The following BCKDHB variants were observed in gnomAD, a reference collection of about 807,000 sequenced individuals.
BCKDHB encodes the protein 2-oxoisovalerate dehydrogenase subunit beta, mitochondrial.
BCKDHB carries 41 observed loss-of-function variants against 48.5 expected under a neutral mutation model. That is an observed-to-expected ratio of 0.85 (90% CI 0.66 to 1.10). The LOEUF (loss-of-function observed/expected upper bound fraction) is 1.10. BCKDHB is among the 50% of genes least tolerant of loss of function. The pLI, the probability that BCKDHB is intolerant of heterozygous loss-of-function variation, is 0.00. For synonymous variants in BCKDHB, 201 were observed against 174.8 expected (o/e 1.15, Z -1.18); for missense variants, 496 against 494.2 (o/e 1.00, Z -0.03).
the BCKDHB span, among the ~76,000 whole-genome samples, chr6:80,447,314 C>CT: frequency 6.6e-6 from 1 of 151,792 alleles, no homozygotes; most frequent in African/African-American, 2.4e-5. Context: ...TTTTTGCTAC[C>CT]TTTTTTTGTA....
At chr6:80,252,821 A>G (rs1026169083) in intron 8 of BCKDHB, among the ~76,000 whole-genome samples, 1 of 152,222 alleles carries the variant, frequency 6.6e-6, no homozygotes, top group African/African-American at 2.4e-5. Context: ...TTGGACTGTT[A>G]CAACCTACTC....
chr6:80,390,458 A>G, the BCKDHB span, among the ~76,000 whole-genome samples: 2 of 152,258 alleles, frequency 1.3e-5, no homozygotes, highest in Non-Finnish European at 2.9e-5. Context: ...AGTTGTCATG[A>G]GTATTTCCTC....
At chr6:80,340,626 A>C (rs1183367385) in intron 9 of BCKDHB, among the ~76,000 whole-genome samples, 1 of 152,242 alleles carries the variant, frequency 6.6e-6, no homozygotes, top group African/African-American at 2.4e-5. Flanking sequence ...TTTTTAAGTT[A>C]TGGAACAGAA....
downstream of BCKDHB, among the ~76,000 whole-genome samples, chr6:80,348,065 C>T (rs901295243): frequency 6.6e-6 from 1 of 151,988 alleles, no homozygotes; most frequent in South Asian, 2.1e-4. Context: ...TAACTGCATT[C>T]TATGCAACTA....
the BCKDHB span, among the ~76,000 whole-genome samples, chr6:80,394,628 T>A: frequency 1.3e-5 from 2 of 152,182 alleles, no homozygotes; most frequent in Non-Finnish European, 2.9e-5. Flanking sequence ...GTTTGTCAAG[T>A]AACAGCATTA....
At chr6:80,307,736 T>C (rs1016800948) in intron 9 of BCKDHB, 3 of 980,456 alleles carry the variant, frequency 3.1e-6, no homozygotes, top group African/African-American at 1.8e-5. Context: ...TTAGACCATA[T>C]TGTCAGATTT....
At chr6:80,320,229 C>T (rs1768649201) in intron 9 of BCKDHB, among the ~76,000 whole-genome samples, 1 of 152,090 alleles carries the variant, frequency 6.6e-6, no homozygotes, top group Admixed American at 6.5e-5. Context: ...TTATAATGTA[C>T]ATAGACAAAT....
chr6:80,303,764 A>C (rs943258290), intron 9 of BCKDHB, among the ~76,000 whole-genome samples: 2 of 152,054 alleles, frequency 1.3e-5, no homozygotes, highest in Admixed American at 6.6e-5. Context: ...AAAAATTTAC[A>C]AAGCATCACT....
the BCKDHB span, among the ~76,000 whole-genome samples, chr6:80,400,250 G>T: frequency 6.6e-6 from 1 of 151,894 alleles, no homozygotes; most frequent in African/African-American, 2.4e-5. Flanking sequence ...TCAAACTGAA[G>T]AGCTTCTACT....
At chr6:80,327,655 G>A (rs1769100263) in intron 9 of BCKDHB, among the ~76,000 whole-genome samples, 1 of 152,040 alleles carries the variant, frequency 6.6e-6, no homozygotes. Flanking sequence ...TCTGTACCTC[G>A]TATTTGAGGA....
At chr6:80,236,791 C>T (rs1251429702) in intron 8 of BCKDHB, among the ~76,000 whole-genome samples, 1 of 152,078 alleles carries the variant, frequency 6.6e-6, no homozygotes, top group East Asian at 1.9e-4. Context: ...TCAATATGTA[C>T]AGAGAGATTG....
At chr6:80,205,221 T>A (rs1395615957) in intron 8 of BCKDHB, among the ~76,000 whole-genome samples, 1 of 152,054 alleles carries the variant, frequency 6.6e-6, no homozygotes, top group Non-Finnish European at 1.5e-5. Flanking sequence ...AATATTTATA[T>A]GGAAAATGAG....
At chr6:80,436,210 G>A in the BCKDHB span, among the ~76,000 whole-genome samples, 2 of 133,668 alleles carry the variant, frequency 1.5e-5, no homozygotes, top group Non-Finnish European at 3.1e-5. Context: ...CTGGAGTGGA[G>A]TGCAGTGGCG....
chr6:80,419,899 C>A, the BCKDHB span, among the ~76,000 whole-genome samples: 1 of 152,176 alleles, frequency 6.6e-6, no homozygotes, highest in South Asian at 2.1e-4. Flanking sequence ...TATGCTAATT[C>A]TTTCCTCTAC....
chr6:80,378,280 A>T, the BCKDHB span, among the ~76,000 whole-genome samples: 1 of 151,990 alleles, frequency 6.6e-6, no homozygotes, highest in South Asian at 2.1e-4. Flanking sequence ...CTCCACCTTT[A>T]TGTCCATGTG....
chr6:80,203,431 G>C (rs888742619), intron 8 of BCKDHB, among the ~76,000 whole-genome samples: 1 of 152,030 alleles, frequency 6.6e-6, no homozygotes, highest in Non-Finnish European at 1.5e-5. Flanking sequence ...AGTTTCCTTT[G>C]TTTAAAATAT....
the BCKDHB span, among the ~76,000 whole-genome samples, chr6:80,352,152 T>TG: frequency 5.0e-5 from 2 of 39,986 alleles, no homozygotes; most frequent in African/African-American, 2.0e-4. Context: ...GTTGTTGTTG[T>TG]TTTTTTTTTG....
intron 8 of BCKDHB, among the ~76,000 whole-genome samples, chr6:80,227,764 G>A (rs1265615787): frequency 2.0e-5 from 3 of 152,132 alleles, no homozygotes; most frequent in African/African-American, 7.2e-5. Context: ...TAACAGTGGG[G>A]CTAACATCTT....
chr6:80,397,116 A>G, the BCKDHB span, among the ~76,000 whole-genome samples: 3 of 152,132 alleles, frequency 2.0e-5, no homozygotes, highest in Non-Finnish European at 4.4e-5. Context: ...ATTATAATTT[A>G]CCTGAGTTTT....
Sources: gnomAD v4.1 joint callset for allele counts (sites outside exome capture counted in the v4.1 genomes callset) on GRCh38, gnomAD v4.1.1 for gene constraint, MANE v1.5 for transcripts, NCBI Gene and HGNC (gene_info 2026-07-23, HGNC 2026-07-21) for gene names.